Variants in NAV2 observed in about 807,000 individuals in gnomAD.
NAV2 encodes the protein helicase, APC down-regulated 1.
Under a neutral mutation model 223.2 loss-of-function variants are expected in NAV2, and 54 were observed. That is an observed-to-expected ratio of 0.24 (90% CI 0.19 to 0.30). The LOEUF (loss-of-function observed/expected upper bound fraction) is 0.30. Ranked by LOEUF, NAV2 falls within the 10% of genes least tolerant of loss-of-function variation. The pLI is 1.00. For missense variants in NAV2, 2,806 were observed against 3,147.5 expected, an observed-to-expected ratio of 0.89 and a Z score of 2.60; for synonymous variants, 1,279 against 1,239.3, an observed-to-expected ratio of 1.03 and a Z score of -0.67.
intron 1 of NAV2, among the ~76,000 whole-genome samples, chr11:19,449,670 G>A (rs1214013902): frequency 1.3e-5 from 2 of 152,036 alleles, no homozygotes; most frequent in African/African-American, 4.8e-5. Flanking sequence ...TGACTTCCTA[G>A]TTATTATAGT....
At chr11:19,925,244 A>G (rs114860456) in intron 6 of NAV2, among the ~76,000 whole-genome samples, 3 of 152,270 alleles carry the variant, frequency 2.0e-5, no homozygotes, top group African/African-American at 7.2e-5. Context: ...TACTCTACTG[A>G]TAGTGTTCTT....
chr11:19,398,768 T>C (rs994366355), intron 1 of NAV2, among the ~76,000 whole-genome samples: 1 of 152,220 alleles, frequency 6.6e-6, no homozygotes, highest in African/African-American at 2.4e-5. Flanking sequence ...GTTAATCTCC[T>C]GCTCCCAAGC....
In NAV2 at chr11:20,045,372, C is replaced by A. The variant is rs771301065; in HGVS notation, c.3604C>A (p.Arg1202=). The A allele has an allele frequency of 3.1e-6, 5 of 1,614,008 alleles. No homozygotes were observed. The East Asian group carries it at 1.1e-4, about 36-fold the overall frequency. ...GCCGAGGCCCAGTAAGTCCAACAGC[C>A]GGAACGGGGCTGGGAACAGGTCTAG... ...SLPRPSKSNS[R]NGAGNRSSTS... is the part of the protein sequence containing the mutation. Residue 1202 remains arginine (R), a synonymous_variant, in exon 14 of 38, where the codon CGG becomes AGG. Coordinates refer to ENST00000349880, the MANE Select transcript of NAV2 (RefSeq NM_145117.5).
At chr11:19,956,255 G>A (rs1293650387) in intron 10 of NAV2, among the ~76,000 whole-genome samples, 1 of 152,102 alleles carries the variant, frequency 6.6e-6, no homozygotes, top group African/African-American at 2.4e-5. Context: ...TCCTACACCA[G>A]CTGAACATCC....
chr11:19,906,562 AT>A (rs1404456138), intron 6 of NAV2, among the ~76,000 whole-genome samples: 1 of 152,184 alleles, frequency 6.6e-6, no homozygotes, highest in Non-Finnish European at 1.5e-5. Context: ...GAAAATGAGA[AT>A]GCACTGAGCT....
chr11:19,389,731 G>A (rs78997707), intron 1 of NAV2, among the ~76,000 whole-genome samples: 2,833 of 152,288 alleles, frequency 0.019, 72 homozygotes, highest in African/African-American at 0.065. Flanking sequence ...AGTCTTTGGT[G>A]CTTTACTATT....
chr11:19,913,323 T>C (rs1342969672), intron 6 of NAV2, among the ~76,000 whole-genome samples: 1 of 152,108 alleles, frequency 6.6e-6, no homozygotes, highest in African/African-American at 2.4e-5. Context: ...AGCATGAGAG[T>C]GTGGGGGAGC....
At chr11:19,552,272 C>T (rs765496201) in intron 1 of NAV2, among the ~76,000 whole-genome samples, 22 of 152,204 alleles carry the variant, frequency 1.4e-4, no homozygotes, top group Non-Finnish European at 2.4e-4. Flanking sequence ...ACTGGGAATC[C>T]GTGGACAGAT....
intron 1 of NAV2, among the ~76,000 whole-genome samples, chr11:19,787,266 G>A (rs2057182037): frequency 1.2e-5 from 1 of 83,030 alleles, no homozygotes; most frequent in Non-Finnish European, 2.4e-5. Flanking sequence ...AATTTTTATT[G>A]GATCTTTTTT....
intron 1 of NAV2, among the ~76,000 whole-genome samples, chr11:19,623,492 C>T (rs1424731811): frequency 6.6e-6 from 1 of 152,152 alleles, no homozygotes; most frequent in African/African-American, 2.4e-5. Flanking sequence ...CTAAACTTCT[C>T]TTCTCACTTC....
At chr11:19,516,218 TG>T in intron 1 of NAV2, among the ~76,000 whole-genome samples, 1 of 152,180 alleles carries the variant, frequency 6.6e-6, no homozygotes, top group Non-Finnish European at 1.5e-5. Context: ...TACCACATGA[TG>T]GGGATCTTTT....
At chr11:19,961,842 A>T (rs2084616493) in intron 10 of NAV2, among the ~76,000 whole-genome samples, 1 of 151,978 alleles carries the variant, frequency 6.6e-6, no homozygotes. Flanking sequence ...TACGAAGATG[A>T]TGTCAGGCAC....
At chr11:19,397,378 G>T (rs2133271765) in intron 1 of NAV2, among the ~76,000 whole-genome samples, 1 of 132,620 alleles carries the variant, frequency 7.5e-6, no homozygotes, top group South Asian at 2.5e-4. Context: ...ACTGTGTAGA[G>T]AATTGGATTC....
chr11:19,487,031 G>C (rs78746597), intron 1 of NAV2, among the ~76,000 whole-genome samples: 1 of 152,114 alleles, frequency 6.6e-6, no homozygotes. Flanking sequence ...AGGCTCTGGG[G>C]CTAAAGACCA....
Position 20,049,109 on chromosome 11 carries a change from T to C in NAV2, c.4284T>C (p.Ser1428=). The change falls in exon 15 of 38, where the codon TCT becomes TCC. Residue 1428 remains serine (S), a synonymous_variant. Transcript: ENST00000349880. ...GTGGAGGGGTCCCCAGCCACAATTC[T>C]TCCACTGGCCTCATCGCCTCCTCCA... ...LSSGGVPSHN[S]STGLIASSKD... is the part of the protein sequence containing the mutation. 1 of 1,614,060 alleles carries C rather than the reference T, an allele frequency of 6.2e-7. No homozygotes were observed.
chr11:19,864,485 C>T (rs999935396), intron 3 of NAV2, among the ~76,000 whole-genome samples: 1 of 152,210 alleles, frequency 6.6e-6, no homozygotes, highest in Non-Finnish European at 1.5e-5. Flanking sequence ...CAAGTCCAGC[C>T]TTAATCATGA....
intron 1 of NAV2, among the ~76,000 whole-genome samples, chr11:19,625,202 C>A: frequency 6.6e-6 from 1 of 152,208 alleles, no homozygotes; most frequent in East Asian, 1.9e-4. Context: ...TTCAACAAAT[C>A]TCTCCCTATC....
chr11:19,895,964 G>A (rs765460253), intron 6 of NAV2, among the ~76,000 whole-genome samples: 42 of 152,072 alleles, frequency 2.8e-4, no homozygotes, highest in Admixed American at 4.6e-4. Context: ...GGGGAGGGAC[G>A]CTCTTGTGAA....
intron 1 of NAV2, among the ~76,000 whole-genome samples, chr11:19,604,528 C>T (rs1283907821): frequency 6.6e-6 from 1 of 150,744 alleles, no homozygotes; most frequent in Non-Finnish European, 1.5e-5. Flanking sequence ...AGTTTGGGGA[C>T]ATATTAGATA....
Sources: allele counts gnomAD v4.1 joint callset (sites outside exome capture counted in the v4.1 genomes callset), GRCh38; gene constraint gnomAD v4.1.1; transcripts MANE v1.5; gene names NCBI Gene and HGNC (gene_info 2026-07-23, HGNC 2026-07-21).